Variants in NUDT12 observed in about 807,000 individuals in gnomAD.
NUDT12 encodes the protein NAD-capped RNA hydrolase NUDT12.
In NUDT12, 42 loss-of-function variants were observed where a neutral mutation model predicts 45.7. That is an observed-to-expected ratio of 0.92 (90% CI 0.72 to 1.19). The LOEUF (loss-of-function observed/expected upper bound fraction) is 1.19. Among genes scored for constraint, NUDT12 ranks in the 50% most tolerant of loss-of-function variants. NUDT12 has a pLI of 0.00. For synonymous variants in NUDT12, 206 were observed against 179.7 expected, an observed-to-expected ratio of 1.15 and a Z score of -1.17; for missense variants, 590 against 533.1, an observed-to-expected ratio of 1.11 and a Z score of -1.05.
rs1297043042 is a variant in NUDT12, at chr5:103,552,357, C to G, written c.1138G>C (p.Gly380Arg). Reference protein sequence around the residue: ...EVEEESGVKVGHVQYVACQPW... With the variant: ...EVEEESGVKVRHVQYVACQPW... ...TGACAAGCAACATACTGAACATGGC[C>G]AACTTTGACTCCACTTTCCTCTTCT... The change falls in exon 6 of 7, where the codon GGC becomes CGC. Residue 380 changes from glycine to arginine, a missense_variant. Transcript: ENST00000230792. 6.2e-7 allele frequency: 1 copy of G among 1,613,798 alleles called. No homozygotes were observed. The highest frequency in any genetic ancestry group is 1.3e-5 in the African/African-American group (1 of 74,904).
intron 6 of NUDT12, 111 bp from the exon 7 acceptor site, chr5:103,551,082 C>G: frequency 1.4e-6 from 1 of 728,976 alleles, no homozygotes; most frequent in South Asian, 1.9e-5. Context: ...CAGTGAATAA[C>G]AACAGTAGAA....
In NUDT12 at chr5:103,558,459, T is replaced by A. The variant is rs545656849; in HGVS notation, c.796+420A>T. The stretch of plus-strand genomic sequence containing the variant: ...TCTATGATGCAGCCAGTGTGCAGTG[T>A]CTTTTTTAAAAAAATATTTTAAACA... On this transcript the variant is annotated intron_variant, in intron 3 of 6. Coordinates refer to ENST00000230792, the MANE Select transcript of NUDT12 (RefSeq NM_031438.4). Among the ~76,000 whole-genome samples the A allele has an allele frequency of 2.4e-3, 370 of 152,258 alleles. 4 individuals are homozygous for A. The highest frequency in any genetic ancestry group is 3.4e-3 in the Middle Eastern group (1 of 294).
At chr5:103,552,506 T>G (rs1748687488) in intron 5 of NUDT12, 90 bp from the exon 6 acceptor site, 2 of 959,576 alleles carry the variant, frequency 2.1e-6, no homozygotes, top group Non-Finnish European at 3.2e-6. Context: ...GAAATCACTT[T>G]GGACAGAAAC....
chr5:103,554,265 T>G (rs1988928), intron 5 of NUDT12, among the ~76,000 whole-genome samples: 96,318 of 151,436 alleles, frequency 0.64, 31,064 homozygotes, highest in Middle Eastern at 0.77. Flanking sequence ...TCTTGAAACA[T>G]AAGATAATAA....
intron 1 of NUDT12, 100 bp from the exon 2 acceptor site, chr5:103,560,354 C>T: frequency 1.4e-6 from 1 of 707,700 alleles, no homozygotes; most frequent in Non-Finnish European, 2.5e-6. Context: ...CAATGGTTTC[C>T]AAGGCAACAT....
At chr5:103,554,673 C>A in intron 5 of NUDT12, 67 bp downstream of exon 5, 2 of 524,084 alleles carry the variant, frequency 3.8e-6, no homozygotes, top group South Asian at 1.3e-4. Context: ...GATTATTTCT[C>A]AAATGTTACC....
chr5:103,549,591 G>C lies in NUDT12; in HGVS notation c.*1270C>G, dbSNP rs570787827. The C allele has an allele frequency of 2.3e-4, 35 of 151,738 alleles. No individual in the cohort carries two copies. Among genetic ancestry groups the C allele is most frequent in the African/African-American group, 8.4e-4 (35 of 41,472 alleles). The allele number at this position is 151,738 out of a possible 1,614,324, so 9.4% of individuals were successfully genotyped here. A position where few individuals can be genotyped will look rare whatever the true frequency, so the allele number is the denominator to read the frequency against. On this transcript the variant is annotated 3_prime_UTR_variant, in exon 7 of 7. Coordinates refer to ENST00000230792, the MANE Select transcript of NUDT12 (RefSeq NM_031438.4). ...TTAGTTATGTAACTTTCACTAATTA[G>C]GTAAATTCACCTTTCACAATTTCTT...
At chr5:103,559,762 T>A in intron 2 of NUDT12, 1 of 485,912 alleles carries the variant, frequency 2.1e-6, no homozygotes. Flanking sequence ...CTACAAGAAG[T>A]CCTTGGTAGT....
In NUDT12 at chr5:103,559,117, A is replaced by T. The variant is rs369575196; in HGVS notation, c.558T>A (p.Asp186Glu). 1.9e-5 allele frequency: 31 copies of T among 1,602,160 alleles called. No homozygotes were observed. The African/African-American group carries it at 3.6e-4, about 19-fold the overall frequency. The change falls in exon 3 of 7, where the codon GAT becomes GAA. Residue 186 changes from aspartate to glutamate, a missense_variant. Coordinates refer to ENST00000230792, the MANE Select transcript of NUDT12 (RefSeq NM_031438.4). ...LCQLNYTDIK[D>E]YLAQPEKITL... ...TGATCTTCTCAGGCTGGGCCAAATA[A>T]TCCTTTATATCTGTGTAGTTCAGCT...
rs775978794 is a variant in NUDT12 at position 103,550,983 on chromosome 5, C to T, written c.1279-12G>A. ...AGAACATCCAGGACCTAAAACACACCATAATAGAATGCATTAGGATTTCAA... is the reference window on the plus strand; with the variant it reads ...AGAACATCCAGGACCTAAAACACACTATAATAGAATGCATTAGGATTTCAA... On this transcript the variant is annotated splice_polypyrimidine_tract_variant and intron_variant, in intron 6 of 6. Transcript: ENST00000230792. The T allele has an allele frequency of 6.3e-7, 1 of 1,577,624 alleles. No individual in the cohort carries two copies. Among genetic ancestry groups the T allele is most frequent in the Admixed American group, 1.7e-5 (1 of 59,366 alleles).
intron 1 of NUDT12, among the ~76,000 whole-genome samples, chr5:103,562,457 T>C (rs562543412): frequency 1.3e-5 from 2 of 152,214 alleles, no homozygotes; most frequent in East Asian, 3.9e-4. Flanking sequence ...AGCGCTTCCT[T>C]TTCCCCATCT....
At chr5:103,559,884 A>C in intron 2 of NUDT12, 159 bp downstream of exon 2, 1 of 565,692 alleles carries the variant, frequency 1.8e-6, no homozygotes, top group Non-Finnish European at 3.1e-6. Flanking sequence ...ACAAAGTTTT[A>C]AGTTAGAAAA....
In NUDT12 at chr5:103,548,974, C is replaced by T. The variant is rs1748568032; in HGVS notation, c.*1887G>A. The T allele has an allele frequency of 6.6e-6, 1 of 152,104 alleles. No individual in the cohort carries two copies. The highest frequency in any genetic ancestry group is 6.6e-5 in the Admixed American group (1 of 15,254). The allele number at this position is 152,104 out of a possible 1,614,324, so 9.4% of individuals were successfully genotyped here. On this transcript the variant is annotated 3_prime_UTR_variant, in exon 7 of 7. Transcript: ENST00000230792. Reference sequence around the variant, plus strand: ...CTTCTATTTACATAGCTTTTCACCTCTCAGAGGTTGGCAATTTAAGAGTTG... The same window carrying T: ...CTTCTATTTACATAGCTTTTCACCTTTCAGAGGTTGGCAATTTAAGAGTTG...
chr5:103,557,303 A>ATATG (rs1562619449), intron 3 of NUDT12, among the ~76,000 whole-genome samples: 4 of 140,474 alleles, frequency 2.8e-5, no homozygotes, highest in African/African-American at 1.0e-4. Flanking sequence ...ATATATATAT[A>ATATG]TGTCTAAAGA....
chr5:103,555,550 G>C (rs1187590566), intron 4 of NUDT12, among the ~76,000 whole-genome samples: 1 of 152,116 alleles, frequency 6.6e-6, no homozygotes, highest in East Asian at 1.9e-4. Flanking sequence ...GCAGCAATTA[G>C]AAGAGAGAAT....
rs534269302 is a variant in NUDT12 at position 103,555,844 on chromosome 5, ACT to A, written c.964+85_964+86del. On this transcript the variant is annotated intron_variant, in intron 4 of 6. Coordinates refer to ENST00000230792, the MANE Select transcript of NUDT12 (RefSeq NM_031438.4). ...AGACATGTTTTCCATAAAAAGGAAAACTCTTTAGCTCCTCACAAATTTTCTCT... is the reference window on the plus strand; with the variant it reads ...AGACATGTTTTCCATAAAAAGGAAAACTTTAGCTCCTCACAAATTTTCTCT... 2,712 of 942,466 alleles carry A rather than the reference ACT, an allele frequency of 2.9e-3. 6 individuals are homozygous for A. The highest frequency in any genetic ancestry group is 4.0e-3 in the Admixed American group (140 of 34,640). 58.4% of individuals were successfully genotyped at this position (942,466 alleles called of 1,614,324 possible). A position where few individuals can be genotyped will look rare whatever the true frequency, so the allele number is the denominator to read the frequency against.
Position 103,552,365 on chromosome 5 carries a change from A to C in NUDT12, c.1130T>G (p.Val377Gly). The change falls in exon 6 of 7, where the codon GTC (valine) becomes GGC (glycine). Residue 377 changes from valine (V) to glycine (G), a missense_variant. Transcript: ENST00000230792. ...VRREVEEESGVKVGHVQYVAC... is the reference protein window; with the variant it reads ...VRREVEEESGGKVGHVQYVAC... Reference sequence around the variant, plus strand: ...AACATACTGAACATGGCCAACTTTGACTCCACTTTCCTCTTCTACTTCTCT... The same window carrying C: ...AACATACTGAACATGGCCAACTTTGCCTCCACTTTCCTCTTCTACTTCTCT... The C allele has an allele frequency of 1.9e-6, 3 of 1,613,838 alleles. No individual in the cohort carries two copies. The highest frequency in any genetic ancestry group is 2.5e-6 in the Non-Finnish European group (3 of 1,179,886).
At chr5:103,554,905 T>C in intron 4 of NUDT12, 52 bp from the exon 5 acceptor site, 1 of 699,620 alleles carries the variant, frequency 1.4e-6, no homozygotes, top group Non-Finnish European at 2.5e-6. Context: ...CGAATTTAGA[T>C]TCATTGTACA....
intron 3 of NUDT12, among the ~76,000 whole-genome samples, chr5:103,556,332 A>G (rs1748820185): frequency 1.3e-5 from 2 of 152,070 alleles, no homozygotes; most frequent in Admixed American, 6.6e-5. Context: ...AGACATACTG[A>G]CATCTATCTT....
Sources: allele counts gnomAD v4.1 joint callset (sites outside exome capture counted in the v4.1 genomes callset), GRCh38; gene constraint gnomAD v4.1.1; transcripts MANE v1.5; gene names NCBI Gene and HGNC (gene_info 2026-07-23, HGNC 2026-07-21).